The following METTL8 variants were observed in gnomAD, a reference collection of about 807,000 sequenced individuals.
The protein encoded by METTL8 is tRNA N(3)-cytidine methyltransferase METTL8, mitochondrial.
Under a neutral mutation model 48.7 loss-of-function variants are expected in METTL8, and 32 were observed. The observed-to-expected ratio is 0.66, with a 90% CI of 0.50 to 0.88. The LOEUF is 0.88. Among genes scored for constraint, METTL8 ranks in the 40% least tolerant of loss-of-function variants. METTL8 has a pLI of 0.00. For synonymous variants in METTL8, 136 were observed against 157.1 expected, an observed-to-expected ratio of 0.87 and a Z score of 1.01; for missense variants, 464 against 474.4, an observed-to-expected ratio of 0.98 and a Z score of 0.20.
intron 1 of METTL8, among the ~76,000 whole-genome samples, chr2:171,398,974 A>T (rs1026807022): frequency 3.3e-5 from 5 of 152,204 alleles, no homozygotes; most frequent in Non-Finnish European, 5.9e-5. Context: ...TCAGTTTTTT[A>T]AAATTTACTA....
At chr2:171,431,052 C>A (rs990267038) in intron 1 of METTL8, among the ~76,000 whole-genome samples, 1 of 152,176 alleles carries the variant, frequency 6.6e-6, no homozygotes, top group Non-Finnish European at 1.5e-5. Flanking sequence ...GGGGGACCAC[C>A]CTTGCGTCCC....
At chr2:171,355,345 G>T (rs777479688) in intron 3 of METTL8, among the ~76,000 whole-genome samples, 1 of 152,144 alleles carries the variant, frequency 6.6e-6, no homozygotes, top group Non-Finnish European at 1.5e-5. Context: ...GTCTCAGAGG[G>T]GTACCTGTCC....
In METTL8 at chr2:171,319,319, A is replaced by C. The variant is rs1006636255; in HGVS notation, c.*4853T>G. The C allele has an allele frequency of 6.6e-6, 1 of 152,254 alleles. No individual in the cohort carries two copies. Among genetic ancestry groups the C allele is most frequent in the Non-Finnish European group, 1.5e-5 (1 of 68,042 alleles). 9.4% of individuals were successfully genotyped at this position (152,254 alleles called of 1,614,324 possible). A position where few individuals can be genotyped will look rare whatever the true frequency, so the allele number is the denominator to read the frequency against. ...AACAGAGGCAGGAAGCAGGAGGAGC[A>C]GAGGCTTTGAAAGAGGTCGATTAGT... On this transcript the variant is annotated 3_prime_UTR_variant, in exon 10 of 10. Coordinates refer to ENST00000375258, the MANE Select transcript of METTL8 (RefSeq NM_001321154.2).
At chr2:171,405,444 C>T (rs1210511846) in intron 1 of METTL8, among the ~76,000 whole-genome samples, 1 of 152,132 alleles carries the variant, frequency 6.6e-6, no homozygotes, top group African/African-American at 2.4e-5. Flanking sequence ...TCAGTGATGA[C>T]CTTTATCAAG....
intron 2 of METTL8, among the ~76,000 whole-genome samples, chr2:171,379,110 A>G (rs1425362475): frequency 6.6e-6 from 1 of 152,246 alleles, no homozygotes; most frequent in African/African-American, 2.4e-5. Flanking sequence ...AAACTCACTC[A>G]AAACCACACA....
At chr2:171,355,265 T>C (rs1462340416) in intron 3 of METTL8, among the ~76,000 whole-genome samples, 2 of 152,210 alleles carry the variant, frequency 1.3e-5, no homozygotes, top group East Asian at 1.9e-4. Flanking sequence ...GTATCACCAG[T>C]GGAGGCTGCA....
chr2:171,351,940 T>C (rs919918186), intron 3 of METTL8, among the ~76,000 whole-genome samples: 10 of 152,166 alleles, frequency 6.6e-5, no homozygotes, highest in East Asian at 1.9e-4. Context: ...CTTTTCCTAA[T>C]TGAATTCCCT....
Position 171,326,136 on chromosome 2 carries a change from A to C in METTL8, c.873T>G (p.Val291=). ...SSIHPDRMQG[V]VNRLSKLLKP... ...TCAGTAACTTGGACAGTCGGTTTAC[A>C]ACACCTTGCATCCTTTGGAAACAAA... is the stretch of plus-strand genomic sequence containing the variant. The change falls in exon 8 of 10, where the codon GTT becomes GTG. Residue 291 remains valine, a synonymous_variant. Transcript: ENST00000375258. The C allele has an allele frequency of 2.0e-6, 3 of 1,530,078 alleles. No individual in the cohort carries two copies. Among genetic ancestry groups the C allele is most frequent in the Non-Finnish European group, 2.7e-6 (3 of 1,128,496 alleles). The allele number at this position is 1,530,078 out of a possible 1,614,324, so 94.8% of individuals were successfully genotyped here.
chr2:171,369,634 G>A (rs1370858357), intron 2 of METTL8, among the ~76,000 whole-genome samples: 1 of 152,200 alleles, frequency 6.6e-6, no homozygotes, highest in Non-Finnish European at 1.5e-5. Context: ...AGAAGTCTTT[G>A]CGGTTCGTAG....
intron 9 of METTL8, among the ~76,000 whole-genome samples, chr2:171,324,745 T>C (rs1469740968): frequency 1.3e-5 from 2 of 152,168 alleles, no homozygotes; most frequent in African/African-American, 4.8e-5. Context: ...ATTCACTTGG[T>C]ACTGTTAGAA....
chr2:171,431,377 G>A (rs115174503), intron 1 of METTL8, among the ~76,000 whole-genome samples: 125 of 152,282 alleles, frequency 8.2e-4, no homozygotes, highest in African/African-American at 2.8e-3. Context: ...GGGGCAACCA[G>A]CAACCTGCTT....
At chr2:171,363,745 T>C (rs1034173147) in intron 2 of METTL8, among the ~76,000 whole-genome samples, 8 of 143,816 alleles carry the variant, frequency 5.6e-5, no homozygotes, top group Middle Eastern at 3.6e-3. Context: ...CATGACAATA[T>C]GGAAAAGTAT....
chr2:171,350,815 A>T lies in METTL8; in HGVS notation c.235+9607T>A, dbSNP rs551349925. Among the ~76,000 whole-genome samples, 25 of 151,680 alleles carry T rather than the reference A, an allele frequency of 1.6e-4. No individual in the cohort carries two copies. In the East Asian group the frequency reaches 4.7e-3, roughly 28 times the overall value. ...GCCCACTTTTTGATGGGGTTGTTTGATTTTTTCTTGTAAATTTGTTTAAGT... is the reference window on the plus strand; with the variant it reads ...GCCCACTTTTTGATGGGGTTGTTTGTTTTTTTCTTGTAAATTTGTTTAAGT... On this transcript the variant is annotated intron_variant, in intron 3 of 9. Transcript: ENST00000375258.
At chr2:171,351,244 G>C (rs1683880061) in intron 3 of METTL8, among the ~76,000 whole-genome samples, 2 of 152,030 alleles carry the variant, frequency 1.3e-5, no homozygotes, top group Non-Finnish European at 2.9e-5. Context: ...TCTTGTTTTT[G>C]TCAGGTTTGT....
At chr2:171,415,224 T>C (rs1448955716) in intron 1 of METTL8, among the ~76,000 whole-genome samples, 7 of 152,076 alleles carry the variant, frequency 4.6e-5, no homozygotes, top group Admixed American at 4.6e-4. Context: ...TCTTAAAAAA[T>C]TAATGTCTAT....
chr2:171,331,619 G>A (rs1685542002), intron 6 of METTL8, 185 bp downstream of exon 6: 1 of 501,282 alleles, frequency 2.0e-6, no homozygotes, highest in South Asian at 2.1e-5. Flanking sequence ...GTTTCACCAT[G>A]TTGGCCAGGC....
At chr2:171,371,837 T>TATTATG (rs4027588) in intron 2 of METTL8, among the ~76,000 whole-genome samples, 1 of 7,804 alleles carries the variant, frequency 1.3e-4, no homozygotes, top group Admixed American at 7.6e-4. Flanking sequence ...TTATTATTAC[T>TATTATG]ATTATTATTA....
At chr2:171,340,618 T>TA (rs1686649529) in intron 3 of METTL8, among the ~76,000 whole-genome samples, 2 of 151,444 alleles carry the variant, frequency 1.3e-5, no homozygotes, top group Admixed American at 6.6e-5. Flanking sequence ...TATTTACAAA[T>TA]ACAATTTCAG....
At chr2:171,424,124 C>A (rs934443502) in intron 1 of METTL8, among the ~76,000 whole-genome samples, 1 of 152,168 alleles carries the variant, frequency 6.6e-6, no homozygotes, top group Non-Finnish European at 1.5e-5. Flanking sequence ...ATTGGGCCTG[C>A]GGGTGCACAG....
Sources: allele counts gnomAD v4.1 joint callset (sites outside exome capture counted in the v4.1 genomes callset), GRCh38; gene constraint gnomAD v4.1.1; transcripts MANE v1.5; gene names NCBI Gene and HGNC (gene_info 2026-07-23, HGNC 2026-07-21).